ASIC2: variants seen among roughly 807,000 people sequenced by gnomAD.
The protein encoded by ASIC2 is acid sensing ion channel subunit 2.
A neutral mutation model predicts 57.3 loss-of-function variants in ASIC2; 25 were observed. That is an observed-to-expected ratio of 0.44 (90% confidence interval 0.32 to 0.61). ASIC2 has a LOEUF of 0.61. Among genes scored for constraint, ASIC2 ranks in the 20% least tolerant of loss-of-function variants. The pLI, the probability that ASIC2 is intolerant of heterozygous loss-of-function variation, is 0.06. For missense variants in ASIC2, 641 were observed against 738.1 expected, an observed-to-expected ratio of 0.87 and a Z score of 1.52; for synonymous variants, 319 against 307.5, an observed-to-expected ratio of 1.04 and a Z score of -0.39.
At chr17:33,594,383 G>A (rs906021099) in intron 1 of ASIC2, among the ~76,000 whole-genome samples, 1 of 152,226 alleles carries the variant, frequency 6.6e-6, no homozygotes, top group African/African-American at 2.4e-5. Context: ...GAAACCCAGT[G>A]AAGGTCAACA....
At chr17:33,165,287 G>A (rs1164417573) in intron 1 of ASIC2, among the ~76,000 whole-genome samples, 2 of 152,216 alleles carry the variant, frequency 1.3e-5, no homozygotes, top group Non-Finnish European at 2.9e-5. Context: ...TAATAGTCAT[G>A]CTGTGCCATG....
In ASIC2 at chr17:33,640,141, T is replaced by C. The variant is rs1435840115; in HGVS notation, c.555+515837A>G. On this transcript the variant is annotated intron_variant, in intron 1 of 9. Coordinates refer to the ASIC2 transcript ENST00000359872. ...GAGAAGGCTAAGGAGGTTGGAGGGG[T>C]TTTTATCTACATAATAAAGATCTAA... 5.9e-5 allele frequency among the ~76,000 whole-genome samples: 9 copies of C among 151,554 alleles called. No individual in the cohort carries two copies. In the South Asian group the frequency reaches 1.5e-3, roughly 25 times the overall value.
At chr17:34,116,237 G>C (rs1381063282) in intron 1 of ASIC2, among the ~76,000 whole-genome samples, 1 of 152,160 alleles carries the variant, frequency 6.6e-6, no homozygotes, top group Admixed American at 6.5e-5. Flanking sequence ...TGTTTTACCA[G>C]TATGTATAAT....
intron 1 of ASIC2, chr17:34,038,992 A>AAG: frequency 1.2e-6 from 2 of 1,614,124 alleles, no homozygotes; most frequent in Non-Finnish European, 1.7e-6. Flanking sequence ...GCCCAGTCTC[A>AAG]AGCGGTCTTG....
chr17:33,321,486 G>T (rs909090151), intron 1 of ASIC2, among the ~76,000 whole-genome samples: 1 of 152,120 alleles, frequency 6.6e-6, no homozygotes, highest in Non-Finnish European at 1.5e-5. Flanking sequence ...CCTGCTTATT[G>T]CTTCTGTGCC....
At chr17:33,834,980 T>C (rs1208810659) in intron 1 of ASIC2, among the ~76,000 whole-genome samples, 4 of 152,174 alleles carry the variant, frequency 2.6e-5, no homozygotes, top group Non-Finnish European at 5.9e-5. Context: ...TTTGGCGTGC[T>C]CATTCATATT....
At chr17:33,972,957 A>G (rs1201878088) in intron 1 of ASIC2, among the ~76,000 whole-genome samples, 1 of 152,246 alleles carries the variant, frequency 6.6e-6, no homozygotes, top group Non-Finnish European at 1.5e-5. Context: ...TGAGACTGAA[A>G]GAGGGATGTG....
intron 1 of ASIC2, among the ~76,000 whole-genome samples, chr17:33,179,235 T>A (rs905561805): frequency 2.0e-5 from 3 of 152,196 alleles, no homozygotes; most frequent in Non-Finnish European, 4.4e-5. Flanking sequence ...TTCCAGTTTC[T>A]TGGCATACTT....
At chr17:34,067,984 C>A (rs750274934) in intron 1 of ASIC2, among the ~76,000 whole-genome samples, 1 of 152,218 alleles carries the variant, frequency 6.6e-6, no homozygotes, top group African/African-American at 2.4e-5. Flanking sequence ...TACTACCACA[C>A]ATACATCTCT....
intron 1 of ASIC2, among the ~76,000 whole-genome samples, chr17:33,302,714 A>G (rs1906010119): frequency 6.6e-6 from 1 of 152,164 alleles, no homozygotes; most frequent in Non-Finnish European, 1.5e-5. Flanking sequence ...AGAAAGGAAG[A>G]GTTAATATAT....
At chr17:33,629,729 T>G (rs1906100239) in intron 1 of ASIC2, among the ~76,000 whole-genome samples, 1 of 152,092 alleles carries the variant, frequency 6.6e-6, no homozygotes, top group Non-Finnish European at 1.5e-5. Flanking sequence ...ACTTGAAAAG[T>G]GATAGAGGTG....
chr17:33,835,291 CT>C (rs1913241213), intron 1 of ASIC2, among the ~76,000 whole-genome samples: 1 of 152,210 alleles, frequency 6.6e-6, no homozygotes, highest in Non-Finnish European at 1.5e-5. Context: ...CCTCTTCCAA[CT>C]TTTAGTCAAA....
At chr17:33,804,301 T>C (rs1719200449) in intron 1 of ASIC2, among the ~76,000 whole-genome samples, 1 of 152,218 alleles carries the variant, frequency 6.6e-6, no homozygotes, top group African/African-American at 2.4e-5. Context: ...GGAAGCTCAG[T>C]TGCTGAGATG....
In ASIC2 at chr17:33,312,231, G is replaced by T. The variant is rs548869468; in HGVS notation, c.556-200164C>A. 7.9e-5 allele frequency among the ~76,000 whole-genome samples: 12 copies of T among 152,284 alleles called. No homozygotes were observed. In the South Asian group the frequency reaches 1.0e-3, roughly 13 times the overall value. ...CTGTTAAACCTGGTGTATAGTGCCT[G>T]GTGTATAGTAAACAAGCTTTGAATG... On this transcript the variant is annotated intron_variant, in intron 1 of 9. Transcript: ENST00000359872.
At chr17:33,138,055 G>A (rs938973463) in intron 1 of ASIC2, among the ~76,000 whole-genome samples, 5 of 152,178 alleles carry the variant, frequency 3.3e-5, no homozygotes, top group African/African-American at 1.2e-4. Context: ...GCTCACAGTA[G>A]GGCAGAGGAA....
chr17:33,575,301 A>C (rs1287331270), intron 1 of ASIC2, among the ~76,000 whole-genome samples: 1 of 152,234 alleles, frequency 6.6e-6, no homozygotes, highest in East Asian at 1.9e-4. Flanking sequence ...GATTCATGTA[A>C]AGTACTTAAC....
intron 1 of ASIC2, among the ~76,000 whole-genome samples, chr17:33,782,055 C>T (rs1262095648): frequency 6.6e-6 from 1 of 152,170 alleles, no homozygotes; most frequent in Non-Finnish European, 1.5e-5. Flanking sequence ...TTATATATTC[C>T]AGATAGAAGT....
At chr17:33,393,579 G>T (rs1039580740) in intron 1 of ASIC2, among the ~76,000 whole-genome samples, 3 of 152,140 alleles carry the variant, frequency 2.0e-5, no homozygotes, top group Admixed American at 2.0e-4. Flanking sequence ...GCTGCTTTGG[G>T]AAAGTTATAT....
intron 1 of ASIC2, among the ~76,000 whole-genome samples, chr17:33,517,542 T>A (rs1914611003): frequency 6.6e-6 from 1 of 152,156 alleles, no homozygotes; most frequent in South Asian, 2.1e-4. Flanking sequence ...GCAGTCAAGA[T>A]GCCAGCTGGG....
Sources: allele counts gnomAD v4.1 joint callset (sites outside exome capture counted in the v4.1 genomes callset), GRCh38; gene constraint gnomAD v4.1.1; transcripts MANE v1.5; gene names NCBI Gene and HGNC (gene_info 2026-07-23, HGNC 2026-07-21).